The following TNS2 variants were observed in gnomAD, a reference collection of about 807,000 sequenced individuals.
TNS2 encodes the protein tensin 2, also known as tensin-2.
TNS2 carries 77 observed loss-of-function variants against 155.7 expected under a neutral mutation model. That is an observed-to-expected ratio of 0.49 (90% CI 0.41 to 0.60). The LOEUF is 0.60. Among genes scored for constraint, TNS2 ranks in the 20% least tolerant of loss-of-function variants. The pLI is 0.00. For missense variants in TNS2, 1,703 were observed against 1,868.8 expected, an observed-to-expected ratio of 0.91 and a Z score of 1.64; for synonymous variants, 726 against 763.9, an observed-to-expected ratio of 0.95 and a Z score of 0.82.
chr12:53,061,797 C>T lies in TNS2; in HGVS notation c.3449-18C>T, dbSNP rs763643723. On this transcript the variant is annotated intron_variant, in intron 21 of 28. Coordinates refer to ENST00000314250, the MANE Select transcript of TNS2 (RefSeq NM_170754.4). ...TGTGAAAACTCCTCCCCACTGCCCG[C>T]TACCCCTCACCCTGCAGCCATTGCC... is the stretch of plus-strand genomic sequence containing the variant. 4 of 1,606,784 alleles carry T rather than the reference C, an allele frequency of 2.5e-6. No individual in the cohort carries two copies. In the African/African-American group the frequency reaches 5.3e-5, roughly 21 times the overall value.
Position 53,054,263 on chromosome 12 carries a change from T to G in TNS2, c.351-7T>G, listed in dbSNP as rs1188713328. ...CCTGCGTTCATGCGTAGGCTCCTCC[T>G]CCCCAGGAGCTTCAGCCTGGACCCG... On this transcript the variant is annotated splice_polypyrimidine_tract_variant and splice_region_variant and intron_variant, in intron 6 of 28. Coordinates refer to ENST00000314250, the MANE Select transcript of TNS2 (RefSeq NM_170754.4). The G allele has an allele frequency of 6.2e-6, 10 of 1,611,598 alleles. No homozygotes were observed. The highest frequency in any genetic ancestry group is 7.6e-6 in the Non-Finnish European group (9 of 1,179,522).
rs1460611163 is a variant in TNS2 at position 53,054,014 on chromosome 12, GGTAA to G, written c.350+3_350+6del. ...TCAAAGCAGCGCAGCACTCTGCCCA[GGTAA>G]GTGAGGGTGCTGGGGTGGTCCCACG... On this transcript the variant is annotated splice_donor_variant and splice_donor_region_variant and intron_variant, in intron 6 of 28. Transcript: ENST00000314250. LOFTEE classifies it high-confidence loss of function. The G allele has an allele frequency of 1.2e-6, 2 of 1,614,174 alleles. No homozygotes were observed. Among genetic ancestry groups the G allele is most frequent in the Non-Finnish European group, 1.7e-6 (2 of 1,180,020 alleles).
upstream of TNS2, among the ~76,000 whole-genome samples, chr12:53,047,609 C>T (rs1943772648): frequency 6.6e-6 from 1 of 151,636 alleles, no homozygotes; most frequent in South Asian, 2.1e-4. Flanking sequence ...CTCGATCAGG[C>T]CGCCACGCCT....
intron 7 of TNS2, 75 bp from the exon 8 acceptor site, chr12:53,055,107 TCTTA>T (rs987756659): frequency 3.3e-5 from 49 of 1,503,288 alleles, no homozygotes; most frequent in South Asian, 5.7e-5. Flanking sequence ...AGAGGAAGAT[TCTTA>T]CTTAGGATCC....
intron 25 of TNS2, 141 bp from the exon 26 acceptor site, chr12:53,062,948 G>A: frequency 1.7e-6 from 2 of 1,147,120 alleles, no homozygotes; most frequent in South Asian, 1.6e-5. Flanking sequence ...AGATCCAGTA[G>A]AGTCATGGAA....
rs760101593 is a variant in TNS2 at position 53,062,684 on chromosome 12, G to C, written c.3810G>C (p.Leu1270=). The change falls in exon 25 of 29, where the codon CTG becomes CTC. Residue 1270 remains leucine, a synonymous_variant. Transcript: ENST00000314250. ...ACATGAGCACAGCGGCAGACCTCCT[G>C]CGTCAGGGTGCTGGTAGAGACTTCC... is the stretch of plus-strand genomic sequence containing the variant. ...PTNMSTAADL[L]RQGAACSVLY... The C allele has an allele frequency of 1.2e-6, 2 of 1,613,908 alleles. No homozygotes were observed. Among genetic ancestry groups the C allele is most frequent in the Middle Eastern group, 1.7e-4 (1 of 6,060 alleles).
chr12:53,063,730 C>T lies in TNS2; in HGVS notation c.4092-14C>T, dbSNP rs371648966. 2.9e-5 allele frequency: 46 copies of T among 1,613,804 alleles called. No individual in the cohort carries two copies. Among genetic ancestry groups the T allele is most frequent in the Non-Finnish European group, 3.6e-5 (43 of 1,179,880 alleles). On this transcript the variant is annotated splice_polypyrimidine_tract_variant and intron_variant, in intron 28 of 28. Transcript: ENST00000314250. The surrounding 1 kb of genome is among the most constrained non-coding windows in gnomAD (Gnocchi z 5.6). ...AGGAATGTTAAGCCCCTTCCCCACC[C>T]TTTATCCCCCTAGGATCTTTGGTTT...
Position 53,053,458 on chromosome 12 carries a change from G to C in TNS2, c.261+9G>C. 1 of 1,614,000 alleles carries C rather than the reference G, an allele frequency of 6.2e-7. No individual in the cohort carries two copies. On this transcript the variant is annotated intron_variant, in intron 4 of 28. Transcript: ENST00000314250. ...TGCCTCCCGTGGAGTTGGTGAGTGCGCTCTGGGATGGGGTGGGGAGGGCAA... is the reference window on the plus strand; with the variant it reads ...TGCCTCCCGTGGAGTTGGTGAGTGCCCTCTGGGATGGGGTGGGGAGGGCAA...
At chr12:53,057,187 C>T in intron 11 of TNS2, 91 bp downstream of exon 11, 1 of 1,357,816 alleles carries the variant, frequency 7.4e-7, no homozygotes, top group South Asian at 1.3e-5. Flanking sequence ...CACACTTTCA[C>T]TGAGTGTGCC....
At chr12:53,049,982 T>A, upstream of TNS2, 3 of 1,247,838 alleles carry the variant, frequency 2.4e-6, no homozygotes, top group Non-Finnish European at 3.2e-6. Flanking sequence ...TCCTCCCCCC[T>A]CCACTTCCTG....
chr12:53,062,877 TCA>T, intron 25 of TNS2, 180 bp downstream of exon 25: 1 of 940,206 alleles, frequency 1.1e-6, no homozygotes, highest in Non-Finnish European at 1.6e-6. Context: ...TCTCAAAGTC[TCA>T]TGAACAAGAC....
rs1944374441 is a variant in TNS2 at position 53,061,232 on chromosome 12, C to T, written c.3326C>T (p.Pro1109Leu). The change falls in exon 20 of 29, where the codon CCT (proline) becomes CTT (leucine). Residue 1109 changes from proline (P) to leucine (L), a missense_variant. By Grantham distance (98) the Pro-to-Leu change is moderately conservative. Transcript: ENST00000314250. Reference protein sequence around the residue: ...RGISHHVTFAPLLSDNVPQTP... With the variant: ...RGISHHVTFALLLSDNVPQTP... The stretch of plus-strand genomic sequence containing the variant: ...ATCAGTCACCATGTCACCTTCGCAC[C>T]TCTGCTCTCAGATAATGTCCCCCAA... 1.9e-6 allele frequency: 3 copies of T among 1,569,934 alleles called. No homozygotes were observed. The highest frequency in any genetic ancestry group is 2.6e-6 in the Non-Finnish European group (3 of 1,157,664).
At chr12:53,058,934 G>A (rs1240790385) in intron 17 of TNS2, 107 bp downstream of exon 17, 27 of 1,560,266 alleles carry the variant, frequency 1.7e-5, no homozygotes, top group African/African-American at 4.1e-5. Context: ...GCCCACTCCC[G>A]AGAGACACCC....
rs796533587 is a variant in TNS2, at chr12:53,062,549, G to A, written c.3746-71G>A. ...TGGCTCCCCGCCTTCCCTTGGGGAA[G>A]CAGAGGGAGTGCTCCAGCCTGGGGA... On this transcript the variant is annotated intron_variant, in intron 24 of 28. Transcript: ENST00000314250. 1.0e-4 allele frequency: 167 copies of A among 1,608,020 alleles called. No individual in the cohort carries two copies. The African/African-American group carries it at 1.5e-3, about 14-fold the overall frequency.
At chr12:53,049,308 C>T (rs866688512), upstream of TNS2, 1 of 1,423,074 alleles carries the variant, frequency 7.0e-7, no homozygotes, top group African/African-American at 1.4e-5. Context: ...GTAGAGAGCC[C>T]AAGTTGCAGG....
intron 25 of TNS2, 36 bp downstream of exon 25, chr12:53,062,733 G>C (rs1328618096): frequency 6.2e-7 from 1 of 1,605,116 alleles, no homozygotes; most frequent in East Asian, 2.2e-5. Context: ...CCCTCTCCCT[G>C]GGCACCAAGG....
At position 53,062,617 on chromosome 12, in the gene TNS2, C is replaced by T; in HGVS notation, c.3746-3C>T. The T allele has an allele frequency of 6.2e-7, 1 of 1,613,956 alleles. No individual in the cohort carries two copies. The highest frequency in any genetic ancestry group is 8.5e-7 in the Non-Finnish European group (1 of 1,179,882). On this transcript the variant is annotated splice_polypyrimidine_tract_variant and splice_region_variant and intron_variant, in intron 24 of 28. Coordinates refer to ENST00000314250, the MANE Select transcript of TNS2 (RefSeq NM_170754.4). ...CTTCCCTGTCGGTTCTCATTGCCCT[C>T]AGATCCTCTGGAAGAGACCCCAGAG...
At chr12:53,053,901 G>C in intron 5 of TNS2, 64 bp from the exon 6 acceptor site, 1 of 1,614,114 alleles carries the variant, frequency 6.2e-7, no homozygotes, top group South Asian at 1.1e-5. Context: ...CATGGCTCTG[G>C]AGTGGGCAGT....
At chr12:53,052,975 G>A in intron 3 of TNS2, 1 of 302,946 alleles carries the variant, frequency 3.3e-6, no homozygotes, top group South Asian at 2.9e-5. Context: ...CTGGGGACCT[G>A]AGACAGCCCT....
Sources: allele counts gnomAD v4.1 joint callset (sites outside exome capture counted in the v4.1 genomes callset), GRCh38; gene constraint gnomAD v4.1.1; non-coding constraint Gnocchi (gnomAD v3.1); transcripts MANE v1.5; gene names NCBI Gene and HGNC (gene_info 2026-07-23, HGNC 2026-07-21).